The following SCUBE1 variants were observed in gnomAD, a reference collection of about 807,000 sequenced individuals.
SCUBE1 encodes signal peptide, CUB domain and EGF like domain containing 1.
Under a neutral mutation model 124.4 loss-of-function variants are expected in SCUBE1, and 59 were observed. That is an observed-to-expected ratio of 0.47 (90% CI 0.38 to 0.59). SCUBE1 has a LOEUF of 0.59. Ranked by LOEUF, SCUBE1 falls within the 20% of genes least tolerant of loss-of-function variation. The pLI, the probability that SCUBE1 is intolerant of heterozygous loss-of-function variation, is 0.00. For synonymous variants in SCUBE1, 545 were observed against 550.9 expected, an observed-to-expected ratio of 0.99 and a Z score of 0.15; for missense variants, 1,150 against 1,371.2, an observed-to-expected ratio of 0.84 and a Z score of 2.55.
chr22:43,240,804 C>T (rs776029743), intron 6 of SCUBE1, among the ~76,000 whole-genome samples: 33 of 152,090 alleles, frequency 2.2e-4, no homozygotes, highest in Non-Finnish European at 3.5e-4. Context: ...CTCCCACGCC[C>T]GAATCCAGGA....
chr22:43,290,453 T>G (rs1229040562), intron 4 of SCUBE1, among the ~76,000 whole-genome samples: 1 of 152,274 alleles, frequency 6.6e-6, no homozygotes, highest in Non-Finnish European at 1.5e-5. Context: ...CCTGCTGGGC[T>G]TGGCTGGTGG....
At position 43,273,096 on chromosome 22, in the gene SCUBE1, G is replaced by A. The variant is rs546696867; in HGVS notation, c.485-10251C>T. 3.3e-5 allele frequency among the ~76,000 whole-genome samples: 5 copies of A among 152,374 alleles called. No homozygotes were observed. The South Asian group carries it at 1.0e-3, about 32-fold the overall frequency. On this transcript the variant is annotated intron_variant, in intron 4 of 21. Coordinates refer to ENST00000360835, the MANE Select transcript of SCUBE1 (RefSeq NM_173050.5). ...TTTGCTAAGCACCAGCTGTGTGCAG[G>A]CCCTGGGCTGAGACCGAGGAGGAAG... is the stretch of plus-strand genomic sequence containing the variant.
intron 6 of SCUBE1, among the ~76,000 whole-genome samples, chr22:43,248,938 C>T (rs566621948): frequency 3.9e-5 from 6 of 152,336 alleles, no homozygotes; most frequent in African/African-American, 1.4e-4. Flanking sequence ...CCCATGCTCC[C>T]GCTCTGGGCA....
rs749607993 is a variant in SCUBE1 at position 43,203,988 on chromosome 22, TC to T, written c.*8del. On this transcript the variant is annotated 3_prime_UTR_variant, in exon 22 of 22. Transcript: ENST00000360835. Reference sequence around the variant, plus strand: ...CCAGGCCACCCCCAGGCAGGGCCGCTCCCCCCGGTTATTTGTAGGGCCGCAG... The same window carrying T: ...CCAGGCCACCCCCAGGCAGGGCCGCTCCCCCGGTTATTTGTAGGGCCGCAG... 25 of 1,613,206 alleles carry T rather than the reference TC, an allele frequency of 1.5e-5. No individual in the cohort carries two copies. Among genetic ancestry groups the T allele is most frequent in the East Asian group, 6.7e-5 (3 of 44,858 alleles).
At chr22:43,214,046 C>CCG in intron 16 of SCUBE1, 44 bp downstream of exon 16, 9 of 422,700 alleles carry the variant, frequency 2.1e-5, no homozygotes, top group East Asian at 6.5e-5. Flanking sequence ...GAGGAGCCCC[C>CCG]GCCCACCCCC....
intron 4 of SCUBE1, among the ~76,000 whole-genome samples, chr22:43,279,149 G>A (rs1192454894): frequency 3.3e-5 from 5 of 152,114 alleles, no homozygotes; most frequent in Non-Finnish European, 7.4e-5. Context: ...TGCCCCAGAC[G>A]CTGCTGGGGA....
intron 19 of SCUBE1, among the ~76,000 whole-genome samples, 175 bp downstream of exon 19, chr22:43,209,868 A>G (rs1921464583): frequency 6.6e-6 from 1 of 152,050 alleles, no homozygotes; most frequent in South Asian, 2.1e-4. Flanking sequence ...CAGCTCTTAG[A>G]CCCAAGTGGG....
In SCUBE1 at chr22:43,254,480, C is replaced by T. The variant is rs1216370369; in HGVS notation, c.727+3739G>A. Among the ~76,000 whole-genome samples, 4 of 152,226 alleles carry T rather than the reference C, an allele frequency of 2.6e-5. No individual in the cohort carries two copies. In the South Asian group the frequency reaches 8.3e-4, roughly 32 times the overall value. ...GCCACCTCTCTGGGACCTTTAGGCT[C>T]TGACCTTCACATGGCCCTGCAACCC... On this transcript the variant is annotated intron_variant, in intron 6 of 21. Coordinates refer to ENST00000360835, the MANE Select transcript of SCUBE1 (RefSeq NM_173050.5).
intron 2 of SCUBE1, among the ~76,000 whole-genome samples, chr22:43,320,789 T>C (rs1926517112): frequency 6.6e-6 from 1 of 152,196 alleles, no homozygotes; most frequent in Admixed American, 6.5e-5. Context: ...CAAGGCACAG[T>C]GAGGCTAAAA....
intron 4 of SCUBE1, among the ~76,000 whole-genome samples, chr22:43,276,504 G>C (rs1924526133): frequency 6.6e-6 from 1 of 152,206 alleles, no homozygotes; most frequent in Non-Finnish European, 1.5e-5. Context: ...CAGGAGATTG[G>C]CCTTGTGGCC....
At chr22:43,335,446 T>G (rs963956597) in intron 2 of SCUBE1, among the ~76,000 whole-genome samples, 1 of 152,122 alleles carries the variant, frequency 6.6e-6, no homozygotes, top group African/African-American at 2.4e-5. Context: ...TCACTGAGGG[T>G]TTAGGAAGCC....
chr22:43,282,837 A>T (rs1181166795), intron 4 of SCUBE1: 1 of 152,184 alleles, frequency 6.6e-6, no homozygotes, highest in Non-Finnish European at 1.5e-5. Context: ...CTGGGATTAC[A>T]GGAGTGCGCC....
chr22:43,277,806 G>A (rs981892208), intron 4 of SCUBE1, among the ~76,000 whole-genome samples: 5 of 152,206 alleles, frequency 3.3e-5, no homozygotes, highest in Admixed American at 6.5e-5. Flanking sequence ...TTGTATATAC[G>A]ATCTCATTTT....
chr22:43,259,600 C>T (rs1923797199), intron 5 of SCUBE1, among the ~76,000 whole-genome samples: 1 of 152,196 alleles, frequency 6.6e-6, no homozygotes, highest in African/African-American at 2.4e-5. Flanking sequence ...CAGAGCCTTC[C>T]TGCCCACCTG....
At chr22:43,325,713 T>A (rs1478410583) in intron 2 of SCUBE1, among the ~76,000 whole-genome samples, 3 of 151,736 alleles carry the variant, frequency 2.0e-5, no homozygotes, top group Non-Finnish European at 4.4e-5. Context: ...CTGCTTGGAT[T>A]TTTTTTTGTT....
chr22:43,266,720 G>T (rs927508658), intron 4 of SCUBE1, among the ~76,000 whole-genome samples: 1 of 152,140 alleles, frequency 6.6e-6, no homozygotes, highest in Non-Finnish European at 1.5e-5. Flanking sequence ...ACGTTTCCTG[G>T]GGGGAACCGA....
At chr22:43,340,427 G>C (rs1927272759) in intron 1 of SCUBE1, among the ~76,000 whole-genome samples, 1 of 151,478 alleles carries the variant, frequency 6.6e-6, no homozygotes. Context: ...GTGCAAAATA[G>C]ATTCTGTGTA....
intron 5 of SCUBE1, 51 bp downstream of exon 5, chr22:43,262,669 A>C (rs1280447766): frequency 1.2e-6 from 2 of 1,602,708 alleles, no homozygotes; most frequent in Admixed American, 1.7e-5. Flanking sequence ...TCCAGAAAGT[A>C]ATGGCAGGAG....
At chr22:43,295,498 T>C (rs975027898) in intron 3 of SCUBE1, among the ~76,000 whole-genome samples, 1 of 150,758 alleles carries the variant, frequency 6.6e-6, no homozygotes, top group African/African-American at 2.4e-5. Flanking sequence ...GGGAGCTCAC[T>C]ACCGCCAAGG....
Sources: gnomAD v4.1 joint callset for allele counts (sites outside exome capture counted in the v4.1 genomes callset) on GRCh38, gnomAD v4.1.1 for gene constraint, MANE v1.5 for transcripts, NCBI Gene and HGNC (gene_info 2026-07-23, HGNC 2026-07-21) for gene names.